The following VPS13A variants were observed in gnomAD, a reference collection of about 807,000 sequenced individuals.
The protein encoded by VPS13A is intermembrane lipid transfer protein VPS13A.
A neutral mutation model predicts 390.9 loss-of-function variants in VPS13A; 264 were observed. The ratio of observed to expected loss-of-function variants is 0.68; its 90% CI spans 0.61 to 0.75. The LOEUF (loss-of-function observed/expected upper bound fraction) is 0.75, where lower values mean the gene tolerates loss of function less well. Ranked by LOEUF, VPS13A falls within the 30% of genes least tolerant of loss-of-function variation. The probability of loss-of-function intolerance (pLI) is 0.00; values close to 1 mark genes in which losing one functional copy is unlikely to be tolerated. For synonymous variants in VPS13A, 1,231 were observed against 1,227.1 expected (o/e 1.00, Z -0.07); for missense variants, 3,409 against 3,733.9 (o/e 0.91, Z 2.27).
rs146521288 is a variant in VPS13A at position 77,238,926 on chromosome 9, T to C, written c.1900+540T>C. The stretch of plus-strand genomic sequence containing the variant: ...ATGATTTTAATGCTTTGTAATTGGT[T>C]GGGACTTGTTTTCTAGCTCAATGTA... On this transcript the variant is annotated intron_variant, in intron 19 of 71. Transcript: ENST00000360280. Among the ~76,000 whole-genome samples, 557 of 152,242 alleles carry C rather than the reference T, an allele frequency of 3.7e-3. 4 individuals are homozygous for C. The highest frequency in any genetic ancestry group is 6.6e-3 in the Non-Finnish European group (450 of 68,004).
chr9:77,221,432 C>G, intron 13 of VPS13A, 76 bp downstream of exon 13: 1 of 1,497,784 alleles, frequency 6.7e-7, no homozygotes. Context: ...CTGATACTCC[C>G]TACCTTTCAT....
chr9:77,400,223 A>ATTTTTTTTTTTTTTTT (rs34605855), intron 68 of VPS13A, among the ~76,000 whole-genome samples: 20 of 88,108 alleles, frequency 2.3e-4, no homozygotes, highest in African/African-American at 9.2e-4. Flanking sequence ...TATCAGTCAG[A>ATTTTTTTTTTTTTTTT]TTTTTTTTTT....
chr9:77,307,389 T>C (rs529132229), intron 34 of VPS13A, among the ~76,000 whole-genome samples: 13 of 152,308 alleles, frequency 8.5e-5, no homozygotes, highest in Middle Eastern at 3.4e-3. Flanking sequence ...AGTTTGAGGC[T>C]GCAGTGAGCT....
At chr9:77,210,148 T>C (rs1439165145) in intron 6 of VPS13A, among the ~76,000 whole-genome samples, 9 of 107,828 alleles carry the variant, frequency 8.3e-5, no homozygotes, top group South Asian at 3.9e-4. Context: ...CCTCCCTTCC[T>C]CCCCCCACCT....
chr9:77,231,248 G>T (rs1299409547), intron 17 of VPS13A, among the ~76,000 whole-genome samples: 1 of 152,064 alleles, frequency 6.6e-6, no homozygotes, highest in Admixed American at 6.6e-5. Flanking sequence ...GCCCCGGCTA[G>T]AACCTCCAGT....
intron 3 of VPS13A, among the ~76,000 whole-genome samples, chr9:77,202,056 A>G (rs1045964231): frequency 6.6e-6 from 1 of 152,136 alleles, no homozygotes; most frequent in Non-Finnish European, 1.5e-5. Flanking sequence ...TTTTTGTTAT[A>G]TAGATAGTTT....
In VPS13A at chr9:77,238,356, C is replaced by T; in HGVS notation, c.1870C>T (p.Leu624=). The change falls in exon 19 of 72, where the codon CTG becomes TTG. Residue 624 remains leucine, a synonymous_variant. Transcript: ENST00000360280. ...AQLTAATLTK[L]EEFRSKTATG... ...GCTCACTGCAGCAACTTTGACAAAA[C>T]TGGAAGAATTTCGCAGTAAGACAGC... 1 of 1,613,952 alleles carries T rather than the reference C, an allele frequency of 6.2e-7. No individual in the cohort carries two copies. The highest frequency in any genetic ancestry group is 1.3e-5 in the African/African-American group (1 of 75,004).
chr9:77,216,441 G>A (rs774861735), intron 10 of VPS13A, among the ~76,000 whole-genome samples: 2 of 152,132 alleles, frequency 1.3e-5, no homozygotes, highest in African/African-American at 2.4e-5. Context: ...CAGGAGAAAC[G>A]GGGGACAGTT....
Position 77,314,578 on chromosome 9 carries a change from T to C in VPS13A, c.4326T>C (p.Tyr1442=). ...LENIISTLKM[Y]TDGSTFSSFS... ...ATATTATAAGTACTTTAAAAATGTA[T>C]ACAGATGGCTCAACATTTTCTTCCT... Residue 1442 remains tyrosine, a synonymous_variant, in exon 37 of 72, where the codon TAT becomes TAC. Coordinates refer to ENST00000360280, the MANE Select transcript of VPS13A (RefSeq NM_033305.3). 1 of 1,610,002 alleles carries C rather than the reference T, an allele frequency of 6.2e-7. No individual in the cohort carries two copies. Among genetic ancestry groups the C allele is most frequent in the Non-Finnish European group, 8.5e-7 (1 of 1,177,132 alleles).
chr9:77,286,504 A>G (rs948275095), intron 31 of VPS13A, among the ~76,000 whole-genome samples: 23 of 152,238 alleles, frequency 1.5e-4, no homozygotes, highest in African/African-American at 5.3e-4. Flanking sequence ...TTTGCAGGGT[A>G]GTTTGACTGG....
chr9:77,310,454 G>A (rs929140678), intron 35 of VPS13A, among the ~76,000 whole-genome samples: 16 of 152,148 alleles, frequency 1.1e-4, no homozygotes, highest in Non-Finnish European at 1.8e-4. Flanking sequence ...TGTTTTCTGC[G>A]CTTAAGAAAG....
At chr9:77,359,445 G>A (rs1832012733) in intron 58 of VPS13A, 43 bp downstream of exon 58, 1 of 1,457,504 alleles carries the variant, frequency 6.9e-7, no homozygotes, top group Non-Finnish European at 9.5e-7. Flanking sequence ...TTTAATGTTT[G>A]ATTTAAATAT....
At position 77,321,742 on chromosome 9, in the gene VPS13A, T is replaced by C; in HGVS notation, c.5826T>C (p.Leu1942=). ...TAAGCAGCAAACTCTTCTTCATTCT[T>C]CTTAGTAAGTAGTTGAAAAATTACC... is the stretch of plus-strand genomic sequence containing the variant. ...TSLSSKLFFI[L]LTPVNHSTAD... is the part of the protein sequence containing the mutation. The change falls in exon 44 of 72, where the codon CTT becomes CTC. Residue 1942 remains leucine, a synonymous_variant. Coordinates refer to ENST00000360280, the MANE Select transcript of VPS13A (RefSeq NM_033305.3). 1.2e-6 allele frequency: 2 copies of C among 1,613,188 alleles called. No homozygotes were observed. The highest frequency in any genetic ancestry group is 1.7e-6 in the Non-Finnish European group (2 of 1,179,420).
intron 58 of VPS13A, 126 bp downstream of exon 58, chr9:77,359,528 A>G: frequency 2.2e-6 from 2 of 927,864 alleles, no homozygotes; most frequent in East Asian, 2.7e-5. Flanking sequence ...ATAAACGTCA[A>G]ATAAAAAAAT....
chr9:77,190,848 G>C (rs1824635618), intron 1 of VPS13A, among the ~76,000 whole-genome samples: 1 of 152,138 alleles, frequency 6.6e-6, no homozygotes, highest in Non-Finnish European at 1.5e-5. Flanking sequence ...AGATTTTCTA[G>C]TTAGTGTGCA....
Position 77,282,244 on chromosome 9 carries a change from G to A in VPS13A, c.3088G>A (p.Glu1030Lys), listed in dbSNP as rs1827071622. 9.9e-6 allele frequency: 16 copies of A among 1,612,554 alleles called. No individual in the cohort carries two copies. The highest frequency in any genetic ancestry group is 1.3e-5 in the Non-Finnish European group (15 of 1,179,552). The stretch of plus-strand genomic sequence containing the variant: ...AGCCCCAGTGTCCACTACAGAGACT[G>A]AAGACAAAGGAGATGTCATTAAAAA... Reference protein sequence around the residue: ...KSAPVSTTETEDKGDVIKKLA... With the variant: ...KSAPVSTTETKDKGDVIKKLA... Residue 1030 changes from glutamate (E) to lysine (K), a missense_variant, in exon 29 of 72, where the codon GAA becomes AAA. Glu to Lys is a moderately conservative substitution (Grantham distance 56, BLOSUM62 1). Coordinates refer to ENST00000360280, the MANE Select transcript of VPS13A (RefSeq NM_033305.3).
intron 68 of VPS13A, chr9:77,384,952 G>A: frequency 1.7e-6 from 2 of 1,172,838 alleles, no homozygotes; most frequent in Non-Finnish European, 2.1e-6. Flanking sequence ...GTCTTTAAGA[G>A]TTCAAGTTAG....
chr9:77,214,260 G>A (rs536227548), intron 9 of VPS13A, 69 bp from the exon 10 acceptor site: 379 of 1,368,830 alleles, frequency 2.8e-4, no homozygotes, highest in Non-Finnish European at 3.6e-4. Flanking sequence ...TGGGTGACAG[G>A]GGGAGACTCC....
rs1054057413 is a variant in VPS13A at position 77,318,038 on chromosome 9, A to G, written c.4957-197A>G. ...AATAATATCTGCAAGATTCATGTAA[A>G]TATCTGCAAGATTCATGTAAACACA... On this transcript the variant is annotated intron_variant, in intron 40 of 71. Coordinates refer to ENST00000360280, the MANE Select transcript of VPS13A (RefSeq NM_033305.3). 4.6e-5 allele frequency among the ~76,000 whole-genome samples: 7 copies of G among 151,968 alleles called. No homozygotes were observed. In the South Asian group the frequency reaches 1.2e-3, roughly 27 times the overall value.
Sources: gnomAD v4.1 joint callset for allele counts (sites outside exome capture counted in the v4.1 genomes callset) on GRCh38, gnomAD v4.1.1 for gene constraint, MANE v1.5 for transcripts, NCBI Gene and HGNC (gene_info 2026-07-23, HGNC 2026-07-21) for gene names.